The following TNPO3 variants were observed in gnomAD, a reference collection of about 807,000 sequenced individuals.
The protein encoded by TNPO3 is transportin-3.
A neutral mutation model predicts 122.8 loss-of-function variants in TNPO3; 65 were observed. The ratio of observed to expected loss-of-function variants is 0.53; its 90% confidence interval spans 0.43 to 0.65. The LOEUF (loss-of-function observed/expected upper bound fraction) is 0.65, where lower values mean the gene tolerates loss of function less well. Among genes scored for constraint, TNPO3 ranks in the 30% least tolerant of loss-of-function variants. The pLI is 0.00. For missense variants in TNPO3, 850 were observed against 1,136.7 expected (o/e 0.75, Z 3.63); for synonymous variants, 372 against 411.2 (o/e 0.90, Z 1.15).
Position 129,047,415 on chromosome 7 carries a change from C to T in TNPO3, c.120+7236G>A, listed in dbSNP as rs182630495. ...CAGGCTACTAAGATTCCTTTAAGAT[C>T]TGCCTCAAAATACTCTCTTTCAGAA... On this transcript the variant is annotated intron_variant, in intron 1 of 22. Transcript: ENST00000265388. Among the ~76,000 whole-genome samples, 3 of 152,296 alleles carry T rather than the reference C, an allele frequency of 2.0e-5. No homozygotes were observed. The East Asian group carries it at 5.8e-4, about 29-fold the overall frequency.
At chr7:128,983,370 C>T (rs957704078) in intron 13 of TNPO3, among the ~76,000 whole-genome samples, 3 of 152,056 alleles carry the variant, frequency 2.0e-5, no homozygotes, top group Admixed American at 2.0e-4. Context: ...CCACACCTGG[C>T]TAATTTTTTG....
intron 21 of TNPO3, among the ~76,000 whole-genome samples, chr7:128,962,796 C>T (rs1025767227): frequency 1.4e-5 from 2 of 145,070 alleles, no homozygotes; most frequent in Admixed American, 1.4e-4. Flanking sequence ...TCCCATATCA[C>T]AGGACAAAGA....
Position 129,015,000 on chromosome 7 carries a change from A to G in TNPO3, c.531T>C (p.Ser177=). Reference sequence around the variant, plus strand: ...TCACCAATAGAGATACTACTGTACTAGAGTAGAAGGCCAAATCTTCTATAA... The same window carrying G: ...TCACCAATAGAGATACTACTGTACTGGAGTAGAAGGCCAAATCTTCTATAA... The part of the protein sequence containing the change: ...TEIIEDLAFY[S]STVVSLLMTC... Residue 177 remains serine, a synonymous_variant, in exon 4 of 23, where the codon TCT becomes TCC. Transcript: ENST00000265388. 6.2e-7 allele frequency: 1 copy of G among 1,610,120 alleles called. No individual in the cohort carries two copies. The highest frequency in any genetic ancestry group is 8.5e-7 in the Non-Finnish European group (1 of 1,179,326).
At chr7:129,001,267 G>C (rs375001578) in intron 5 of TNPO3, 33 bp from the exon 6 acceptor site, 3 of 1,580,402 alleles carry the variant, frequency 1.9e-6, no homozygotes, top group Non-Finnish European at 2.6e-6. Context: ...GAAGCAAGAA[G>C]TATGATCACT....
chr7:128,964,060 A>G (rs1024356191), intron 21 of TNPO3, among the ~76,000 whole-genome samples: 2 of 152,210 alleles, frequency 1.3e-5, no homozygotes, highest in Admixed American at 6.5e-5. Flanking sequence ...AATAGCATAA[A>G]AAAAACTTAT....
intron 1 of TNPO3, among the ~76,000 whole-genome samples, chr7:129,046,964 G>A (rs1202569481): frequency 6.6e-6 from 1 of 152,242 alleles, no homozygotes; most frequent in East Asian, 1.9e-4. Context: ...TACAAGGTGA[G>A]ATGTGGGTGG....
At chr7:128,959,810 T>C (rs992298701) in intron 21 of TNPO3, among the ~76,000 whole-genome samples, 1 of 152,052 alleles carries the variant, frequency 6.6e-6, no homozygotes, top group Non-Finnish European at 1.5e-5. Flanking sequence ...TCACCTGAGG[T>C]CAGGAGTTTG....
intron 1 of TNPO3, among the ~76,000 whole-genome samples, chr7:129,035,950 C>CTTTTTTTTTTT (rs71162551): frequency 2.6e-4 from 31 of 119,922 alleles, no homozygotes; most frequent in African/African-American, 3.8e-4. Flanking sequence ...CTTTTCTTTT[C>CTTTTTTTTTTT]TTTTTTTTTT....
intron 1 of TNPO3, among the ~76,000 whole-genome samples, chr7:129,020,563 C>T (rs1804366210): frequency 6.6e-6 from 1 of 152,172 alleles, no homozygotes; most frequent in African/African-American, 2.4e-5. Flanking sequence ...GCCTCAGCCC[C>T]CTAGTAGTTG....
chr7:129,027,558 CAAAAAAAAAAAAAAAAAAA>C (rs71162549), intron 1 of TNPO3, among the ~76,000 whole-genome samples: 4 of 8,972 alleles, frequency 4.5e-4, no homozygotes, highest in East Asian at 4.7e-3. Context: ...AAGACTGTCT[CAAAAAAAAAAAAAAAAAAA>C]AAAAAAAAAA....
At chr7:129,038,120 GA>G (rs34946268) in intron 1 of TNPO3, among the ~76,000 whole-genome samples, 5 of 152,046 alleles carry the variant, frequency 3.3e-5, no homozygotes, top group African/African-American at 1.2e-4. Context: ...GGGAAGCAGA[GA>G]AAAAGGACAC....
chr7:129,017,382 T>C (rs1803968318), intron 2 of TNPO3, among the ~76,000 whole-genome samples: 1 of 152,196 alleles, frequency 6.6e-6, no homozygotes, highest in African/African-American at 2.4e-5. Context: ...CACAGACATA[T>C]AAATTATACT....
chr7:128,972,481 T>C lies in TNPO3; in HGVS notation c.2375A>G (p.Asn792Ser), dbSNP rs756903632. Residue 792 changes from asparagine to serine, a missense_variant, in exon 19 of 23, where the codon AAT (asparagine) becomes AGT (serine). By Grantham distance (46) the Asn-to-Ser change is conservative. Coordinates refer to ENST00000265388, the MANE Select transcript of TNPO3 (RefSeq NM_012470.4). ...TCGTAGAAACCTCATGACACTACAATTGGCATCCCGGTGGTCCAGGGTAGT... is the reference window on the plus strand; with the variant it reads ...TCGTAGAAACCTCATGACACTACAACTGGCATCCCGGTGGTCCAGGGTAGT... ...ASTTLDHRDA[N>S]CSVMRFLRDL... 6 of 1,614,208 alleles carry C rather than the reference T, an allele frequency of 3.7e-6. No homozygotes were observed. Among genetic ancestry groups the C allele is most frequent in the Admixed American group, 1.7e-5 (1 of 60,022 alleles).
At chr7:129,053,380 A>C (rs1030528624) in intron 1 of TNPO3, among the ~76,000 whole-genome samples, 9 of 151,482 alleles carry the variant, frequency 5.9e-5, no homozygotes, top group Admixed American at 5.3e-4. Flanking sequence ...CTGTAATCCC[A>C]GCTACTCGGG....
chr7:129,046,794 C>T (rs1007560573), intron 1 of TNPO3, among the ~76,000 whole-genome samples: 13 of 152,238 alleles, frequency 8.5e-5, no homozygotes, highest in African/African-American at 2.4e-4. Flanking sequence ...TCTTACATGG[C>T]GGCAGGCAAG....
chr7:129,048,278 C>A (rs546129526), intron 1 of TNPO3, among the ~76,000 whole-genome samples: 1 of 152,188 alleles, frequency 6.6e-6, no homozygotes, highest in Admixed American at 6.5e-5. Flanking sequence ...CCTCTAATCC[C>A]AGCACTTTGG....
At chr7:128,962,767 T>C (rs1184188502) in intron 21 of TNPO3, among the ~76,000 whole-genome samples, 1 of 152,194 alleles carries the variant, frequency 6.6e-6, no homozygotes, top group Admixed American at 6.5e-5. Flanking sequence ...GTAGGTCAGG[T>C]TGGTGGTGCA....
Position 128,979,102 on chromosome 7 carries a change from T to G in TNPO3, c.1942A>C (p.Thr648Pro). The change falls in exon 16 of 23, where the codon ACT (threonine) becomes CCT (proline). Residue 648 changes from threonine (T) to proline (P), a missense_variant. Physicochemically the swap from Thr to Pro is conservative, Grantham distance 38. Transcript: ENST00000265388. ...TTATCAGCTCGGTGCTTATTTAGAG[T>G]CTCGGATAAAACTGGCCATATCTGG... is the stretch of plus-strand genomic sequence containing the variant. ...IQEIWPVLSE[T>P]LNKHRADNRI... 2 of 1,613,920 alleles carry G rather than the reference T, an allele frequency of 1.2e-6. No homozygotes were observed. Among genetic ancestry groups the G allele is most frequent in the Non-Finnish European group, 1.7e-6 (2 of 1,179,956 alleles).
chr7:129,047,737 A>G (rs910459619), intron 1 of TNPO3, among the ~76,000 whole-genome samples: 2 of 152,236 alleles, frequency 1.3e-5, no homozygotes, highest in African/African-American at 2.4e-5. Flanking sequence ...TCACAAATAC[A>G]TATTCTTGAA....
Sources: allele counts gnomAD v4.1 joint callset (sites outside exome capture counted in the v4.1 genomes callset), GRCh38; gene constraint gnomAD v4.1.1; transcripts MANE v1.5; gene names NCBI Gene and HGNC (gene_info 2026-07-23, HGNC 2026-07-21).